The following HELZ variants were observed in gnomAD, a reference collection of about 807,000 sequenced individuals.
The protein encoded by HELZ is helicase with zinc finger.
In HELZ, 23 loss-of-function variants were observed where a neutral mutation model predicts 218.2. That is an observed-to-expected ratio of 0.11 (90% CI 0.08 to 0.15). The LOEUF is 0.15. Ranked by LOEUF, HELZ falls within the 10% of genes least tolerant of loss-of-function variation. The pLI is 1.00. For missense variants in HELZ, 1,813 were observed against 2,353.7 expected (o/e 0.77, Z 4.75); for synonymous variants, 814 against 829.4 (o/e 0.98, Z 0.32).
At chr17:67,101,794 A>G (rs750749345) in intron 31 of HELZ, among the ~76,000 whole-genome samples, 5 of 152,244 alleles carry the variant, frequency 3.3e-5, no homozygotes, top group Admixed American at 6.5e-5. Flanking sequence ...TGAGAATGTA[A>G]TAATTCCAAA....
chr17:67,200,287 T>C (rs1013535259), intron 7 of HELZ, among the ~76,000 whole-genome samples: 4 of 152,234 alleles, frequency 2.6e-5, no homozygotes, highest in East Asian at 1.9e-4. Context: ...GCCTTTTACA[T>C]GCCACTGTTG....
chr17:67,217,624 C>G (rs1361635758), intron 4 of HELZ, among the ~76,000 whole-genome samples: 1 of 152,148 alleles, frequency 6.6e-6, no homozygotes, highest in Admixed American at 6.5e-5. Flanking sequence ...ACCTCTCCAC[C>G]GCGTGCACTC....
chr17:67,161,155 C>T lies in HELZ; in HGVS notation c.1896-79G>A, dbSNP rs572608060. The T allele has an allele frequency of 6.5e-4, 718 of 1,100,052 alleles. 5 individuals carry two copies. The highest frequency in any genetic ancestry group is 4.1e-3 in the Middle Eastern group (19 of 4,622). The allele number at this position is 1,100,052 out of a possible 1,614,324, so 68.1% of individuals were successfully genotyped here. A position where few individuals can be genotyped will look rare whatever the true frequency, so the allele number is the denominator to read the frequency against. ...CATAACACACGAGTATCGTGAATTT[C>T]AGTGAACCATTAAAACCACTGAAAT... On this transcript the variant is annotated intron_variant, in intron 15 of 32. Coordinates refer to ENST00000358691, the MANE Select transcript of HELZ (RefSeq NM_014877.4).
chr17:67,132,461 A>C (rs2038018065), intron 23 of HELZ, among the ~76,000 whole-genome samples: 1 of 152,232 alleles, frequency 6.6e-6, no homozygotes, highest in Non-Finnish European at 1.5e-5. Context: ...CAGCATAACC[A>C]GAGAGAAGAA....
At chr17:67,088,740 T>C (rs899347920) in intron 31 of HELZ, among the ~76,000 whole-genome samples, 11 of 152,242 alleles carry the variant, frequency 7.2e-5, no homozygotes, top group African/African-American at 2.7e-4. Flanking sequence ...AATTCATCTT[T>C]AATTTTACTC....
chr17:67,145,951 T>TAA, intron 20 of HELZ, 61 bp from the exon 21 acceptor site: 2 of 1,435,448 alleles, frequency 1.4e-6, no homozygotes, highest in Admixed American at 2.4e-5. Context: ...ATTTCACCCA[T>TAA]AAGAAAAAAA....
chr17:67,199,652 A>T (rs894460302), intron 7 of HELZ, among the ~76,000 whole-genome samples: 1 of 152,226 alleles, frequency 6.6e-6, no homozygotes, highest in Admixed American at 6.5e-5. Context: ...AAGACAAAGA[A>T]AATGAAATTT....
At chr17:67,141,064 A>G (rs938412080) in intron 21 of HELZ, among the ~76,000 whole-genome samples, 2 of 152,340 alleles carry the variant, frequency 1.3e-5, no homozygotes, top group South Asian at 4.1e-4. Context: ...CTCCCCTTAT[A>G]AGAAATACTA....
rs1399417071 is a variant in HELZ, at chr17:67,070,482, G to A, written c.*7770C>T. ...ATTTTATTATAAATACATTTTAGTT[G>A]TAGCAGTAAAATACATTTTGTTACC... On this transcript the variant is annotated 3_prime_UTR_variant, in exon 33 of 33. Transcript: ENST00000358691. 1 of 152,146 alleles carries A rather than the reference G, an allele frequency of 6.6e-6. No individual in the cohort carries two copies. Among genetic ancestry groups the A allele is most frequent in the African/African-American group, 2.4e-5 (1 of 41,408 alleles). The allele number at this position is 152,146 out of a possible 1,614,324, so 9.4% of individuals were successfully genotyped here.
At chr17:67,165,221 A>AG (rs1002520540) in intron 15 of HELZ, among the ~76,000 whole-genome samples, 2 of 152,310 alleles carry the variant, frequency 1.3e-5, no homozygotes, top group African/African-American at 4.8e-5. Context: ...AAAAGAACAG[A>AG]GGGGACTGCA....
At chr17:67,112,440 T>C (rs1174456539) in intron 28 of HELZ, among the ~76,000 whole-genome samples, 1 of 152,208 alleles carries the variant, frequency 6.6e-6, no homozygotes, top group Non-Finnish European at 1.5e-5. Flanking sequence ...CATCCTGACA[T>C]GCCACTCGTT....
Position 67,167,735 on chromosome 17 carries a change from C to T in HELZ, c.1492G>A (p.Gly498Ser). The change falls in exon 14 of 33, where the codon GGT (glycine) becomes AGT (serine). Residue 498 changes from glycine (G) to serine (S), a missense_variant. Transcript: ENST00000358691. ...TGTCCATTCTGAGCATACTTTGCACCTCCAGAAACACCAGTGAGCATGAAG... is the reference window on the plus strand; with the variant it reads ...TGTCCATTCTGAGCATACTTTGCACTTCCAGAAACACCAGTGAGCATGAAG... Reference protein sequence around the residue: ...ASFMLTGVSGGAKYAQNGQLF... With the variant: ...ASFMLTGVSGSAKYAQNGQLF... 1 of 1,614,092 alleles carries T rather than the reference C, an allele frequency of 6.2e-7. No homozygotes were observed. The highest frequency in any genetic ancestry group is 1.1e-5 in the South Asian group (1 of 91,066).
intron 21 of HELZ, among the ~76,000 whole-genome samples, chr17:67,139,644 G>A (rs1246309387): frequency 6.6e-6 from 1 of 152,166 alleles, no homozygotes; most frequent in Non-Finnish European, 1.5e-5. Context: ...GATCAAAGAG[G>A]TTACAAGAAA....
In HELZ at chr17:67,109,295, G is replaced by A. The variant is rs1403110280; in HGVS notation, c.4310C>T (p.Ala1437Val). The A allele has an allele frequency of 6.2e-7, 1 of 1,614,180 alleles. No individual in the cohort carries two copies. The highest frequency in any genetic ancestry group is 8.5e-7 in the Non-Finnish European group (1 of 1,180,048). ...PNNAFFNSAV[A>V]HRPQSPPAEA... The stretch of plus-strand genomic sequence containing the variant: ...TGCAGGAGGAGACTGTGGCCGATGA[G>A]CAACTGCACTATTAAAAAAAGCATT... The change falls in exon 29 of 33, where the codon GCT becomes GTT. Residue 1437 changes from alanine (A) to valine (V), a missense_variant. Physicochemically the swap from Ala to Val is moderately conservative, Grantham distance 64. This residue lies in a region of HELZ where 938 missense variants were observed against 1,027.5 expected (regional missense o/e 0.91). Transcript: ENST00000358691.
At chr17:67,181,774 C>T (rs2039618890) in intron 12 of HELZ, among the ~76,000 whole-genome samples, 1 of 151,938 alleles carries the variant, frequency 6.6e-6, no homozygotes, top group Non-Finnish European at 1.5e-5. Context: ...GTCTTTAACT[C>T]GGATGTCAAA....
chr17:67,169,626 A>G (rs2144166595), intron 13 of HELZ, among the ~76,000 whole-genome samples: 1 of 152,324 alleles, frequency 6.6e-6, no homozygotes, highest in Admixed American at 6.5e-5. Context: ...CATTCAAACT[A>G]CAGCATTCTG....
At position 67,145,907 on chromosome 17, in the gene HELZ, A is replaced by T. The variant is rs1291936740; in HGVS notation, c.2622-17T>A. ...GAGGTATAACTGCAGTAAAAGACAAAAAGAAAAAAGGGGGAAAATCTACAT... is the reference window on the plus strand; with the variant it reads ...GAGGTATAACTGCAGTAAAAGACAATAAGAAAAAAGGGGGAAAATCTACAT... On this transcript the variant is annotated splice_polypyrimidine_tract_variant and intron_variant, in intron 20 of 32. Coordinates refer to ENST00000358691, the MANE Select transcript of HELZ (RefSeq NM_014877.4). The T allele has an allele frequency of 2.5e-6, 4 of 1,595,456 alleles. No individual in the cohort carries two copies. The Admixed American group carries it at 7.3e-5, about 29-fold the overall frequency.
chr17:67,245,391 T>C (rs2041456856), upstream of HELZ: 2 of 820,570 alleles, frequency 2.4e-6, no homozygotes, highest in Admixed American at 6.2e-5. Flanking sequence ...TCACCCGCAT[T>C]TTTAAAACGT....
At chr17:67,180,366 A>C (rs2039572358) in intron 12 of HELZ, among the ~76,000 whole-genome samples, 1 of 152,118 alleles carries the variant, frequency 6.6e-6, no homozygotes, top group Non-Finnish European at 1.5e-5. Context: ...TCATTAAAAA[A>C]AATACTCTGG....
Sources: gnomAD v4.1 joint callset for allele counts (sites outside exome capture counted in the v4.1 genomes callset) on GRCh38, gnomAD v4.1.1 for gene constraint, gnomAD v4.1.1 regional missense constraint, MANE v1.5 for transcripts, NCBI Gene and HGNC (gene_info 2026-07-23, HGNC 2026-07-21) for gene names.